The following TCF7L2 variants were observed in gnomAD, a reference collection of about 807,000 sequenced individuals.
TCF7L2 encodes transcription factor 7 like 2.
In TCF7L2, 23 loss-of-function variants were observed where a neutral mutation model predicts 77.9. The ratio of observed to expected loss-of-function variants is 0.30; its 90% CI spans 0.21 to 0.42. TCF7L2 has a LOEUF of 0.42. Ranked by LOEUF, TCF7L2 falls within the 10% of genes least tolerant of loss-of-function variation. The pLI, the probability that TCF7L2 is intolerant of heterozygous loss-of-function variation, is 1.00. For synonymous variants in TCF7L2, 413 were observed against 340.2 expected, an observed-to-expected ratio of 1.21 and a Z score of -2.36; for missense variants, 654 against 793.1, an observed-to-expected ratio of 0.82 and a Z score of 2.11.
intron 4 of TCF7L2, among the ~76,000 whole-genome samples, chr10:112,983,060 A>G (rs2040776572): frequency 6.6e-6 from 1 of 152,152 alleles, no homozygotes; most frequent in South Asian, 2.1e-4. Context: ...ATGGGCATGA[A>G]ATTAGTGACA....
intron 5 of TCF7L2, among the ~76,000 whole-genome samples, chr10:113,113,989 A>G (rs1004985417): frequency 3.3e-5 from 5 of 152,222 alleles, no homozygotes; most frequent in Non-Finnish European, 2.9e-5. Context: ...GTTACAGGTC[A>G]AATCATAGTC....
At chr10:113,107,791 A>G (rs1450563385) in intron 5 of TCF7L2, among the ~76,000 whole-genome samples, 1 of 151,270 alleles carries the variant, frequency 6.6e-6, no homozygotes, top group Non-Finnish European at 1.5e-5. Flanking sequence ...AAAAAAATCA[A>G]GGTACATCAC....
intron 4 of TCF7L2, among the ~76,000 whole-genome samples, chr10:112,982,405 G>A (rs919644233): frequency 1.3e-5 from 2 of 152,160 alleles, no homozygotes; most frequent in African/African-American, 4.8e-5. Context: ...CATAAGAAAG[G>A]TTTATTGGGT....
intron 3 of TCF7L2, among the ~76,000 whole-genome samples, chr10:112,952,059 C>T (rs2031766874): frequency 6.6e-6 from 1 of 152,036 alleles, no homozygotes; most frequent in African/African-American, 2.4e-5. Context: ...CTTGGGCTTT[C>T]CCCGGTTAAC....
At chr10:113,028,225 A>G (rs1222070571) in intron 4 of TCF7L2, among the ~76,000 whole-genome samples, 1 of 152,208 alleles carries the variant, frequency 6.6e-6, no homozygotes, top group African/African-American at 2.4e-5. Context: ...ATTTGGAAAG[A>G]GCCATAATCC....
chr10:112,970,272 G>T (rs1342029151), intron 4 of TCF7L2, among the ~76,000 whole-genome samples: 2 of 151,930 alleles, frequency 1.3e-5, no homozygotes, highest in African/African-American at 2.4e-5. Context: ...CACAGCTGAG[G>T]AGTGGATACT....
At chr10:112,984,466 T>C (rs765219919) in intron 4 of TCF7L2, among the ~76,000 whole-genome samples, 14 of 152,170 alleles carry the variant, frequency 9.2e-5, no homozygotes, top group Non-Finnish European at 1.8e-4. Flanking sequence ...ACCTCTTTAA[T>C]TGGTTAGTTC....
rs138925180 is a variant in TCF7L2, at chr10:113,155,058, C to G, written c.1269+2618C>G. On this transcript the variant is annotated intron_variant, in intron 11 of 13. Transcript: ENST00000627217. ...CTTTGGTCATTGTAAACTCCAAAAG[C>G]TTCTTCTGGAAAATATTTCCTGAGA... is the stretch of plus-strand genomic sequence containing the variant. 4.0e-3 allele frequency among the ~76,000 whole-genome samples: 600 copies of G among 150,562 alleles called. 4 individuals carry two copies. The highest frequency in any genetic ancestry group is 0.014 in the African/African-American group (561 of 40,936).
chr10:112,961,783 G>A (rs965120504), intron 3 of TCF7L2, among the ~76,000 whole-genome samples: 1 of 150,562 alleles, frequency 6.6e-6, no homozygotes, highest in African/African-American at 2.4e-5. Context: ...TGTGAGCTGG[G>A]TGAGGTTTTC....
At chr10:113,039,807 G>A (rs543661617) in intron 4 of TCF7L2, among the ~76,000 whole-genome samples, 1 of 151,748 alleles carries the variant, frequency 6.6e-6, no homozygotes, top group Non-Finnish European at 1.5e-5. Flanking sequence ...AAATACAGTT[G>A]CTAGTAACAT....
chr10:112,985,183 G>A (rs2041254984), intron 4 of TCF7L2, among the ~76,000 whole-genome samples: 1 of 152,122 alleles, frequency 6.6e-6, no homozygotes, highest in Non-Finnish European at 1.5e-5. Context: ...CTGTTGCTGG[G>A]GTACTTTGGT....
intron 13 of TCF7L2, among the ~76,000 whole-genome samples, chr10:113,163,655 T>C (rs1281624453): frequency 6.6e-6 from 1 of 152,038 alleles, no homozygotes; most frequent in African/African-American, 2.4e-5. Context: ...GTCTATTTAC[T>C]CTCTCCCAGG....
At chr10:113,071,813 C>T (rs1406589743) in intron 5 of TCF7L2, among the ~76,000 whole-genome samples, 2 of 152,166 alleles carry the variant, frequency 1.3e-5, no homozygotes, top group African/African-American at 2.4e-5. Context: ...CACTATCAGG[C>T]AGGTCACATT....
At chr10:113,119,362 G>A (rs564033114) in intron 5 of TCF7L2, among the ~76,000 whole-genome samples, 1 of 152,258 alleles carries the variant, frequency 6.6e-6, no homozygotes, top group Admixed American at 6.5e-5. Context: ...CAGACTCCTG[G>A]TGCCACCAAC....
intron 3 of TCF7L2, among the ~76,000 whole-genome samples, chr10:112,961,430 T>G (rs2035203406): frequency 6.6e-6 from 1 of 152,208 alleles, no homozygotes; most frequent in African/African-American, 2.4e-5. Flanking sequence ...TTATTCTTCC[T>G]TCTAGCTTCT....
At chr10:113,026,367 G>T (rs946443946) in intron 4 of TCF7L2, among the ~76,000 whole-genome samples, 3 of 150,708 alleles carry the variant, frequency 2.0e-5, no homozygotes, top group Non-Finnish European at 4.4e-5. Flanking sequence ...CAACAAGTTG[G>T]TCAGGCTCCT....
chr10:112,951,047 C>G (rs1324941663), intron 1 of TCF7L2, 102 bp downstream of exon 1: 12 of 1,445,320 alleles, frequency 8.3e-6, no homozygotes, highest in Non-Finnish European at 1.1e-5. Context: ...GGCGGCGGGG[C>G]CCGGCGGGCG....
chr10:113,016,482 G>A (rs2047359290), intron 4 of TCF7L2, among the ~76,000 whole-genome samples: 1 of 152,124 alleles, frequency 6.6e-6, no homozygotes, highest in Non-Finnish European at 1.5e-5. Context: ...CCTTTCTATC[G>A]CAGCATGTTC....
chr10:113,129,138 C>G (rs2066141581), intron 5 of TCF7L2: 2 of 179,428 alleles, frequency 1.1e-5, no homozygotes, highest in Non-Finnish European at 2.1e-5. Flanking sequence ...AGGGTGTATA[C>G]AGGGCAGGCA....
Sources: allele counts gnomAD v4.1 joint callset (sites outside exome capture counted in the v4.1 genomes callset), GRCh38; gene constraint gnomAD v4.1.1; transcripts MANE v1.5; gene names NCBI Gene and HGNC (gene_info 2026-07-23, HGNC 2026-07-21).